Variants in HIP1R observed in about 807,000 individuals in gnomAD.
HIP1R encodes the protein huntingtin-interacting protein 1-related protein.
HIP1R carries 135 observed loss-of-function variants against 144.2 expected under a neutral mutation model. The observed-to-expected ratio is 0.94, with a 90% CI of 0.81 to 1.08. HIP1R has a LOEUF of 1.08. Among genes scored for constraint, HIP1R ranks in the 50% least tolerant of loss-of-function variants. The pLI, the probability that HIP1R is intolerant of heterozygous loss-of-function variation, is 0.00. For synonymous variants in HIP1R, 698 were observed against 612.8 expected, an observed-to-expected ratio of 1.14 and a Z score of -2.05; for missense variants, 1,462 against 1,432.8, an observed-to-expected ratio of 1.02 and a Z score of -0.33.
In HIP1R at chr12:122,860,995, T is replaced by C; in HGVS notation, c.2846T>C (p.Val949Ala). Residue 949 changes from valine to alanine, a missense_variant, in exon 29 of 32, where the codon GTG becomes GCG. Transcript: ENST00000253083. ...SRTVNERAAN[V>A]VASTKSGQEQ... ...ACAGTCAATGAGAGGGCTGCCAATG[T>C]GGTGGCCTCCACCAAGTCAGGCCAG... is the stretch of plus-strand genomic sequence containing the variant. The C allele has an allele frequency of 6.2e-7, 1 of 1,613,596 alleles. No individual in the cohort carries two copies. The highest frequency in any genetic ancestry group is 8.5e-7 in the Non-Finnish European group (1 of 1,179,976).
Position 122,857,181 on chromosome 12 carries a change from A to G in HIP1R, c.1781A>G (p.Glu594Gly), listed in dbSNP as rs758938875. ...CGGGAGCAGCAGCGCAGCTCCCAGG[A>G]GCAGGGCGAGTTGCAGGGCCGGCTG... ...LSREQQRSSQ[E>G]QGELQGRLAE... Residue 594 changes from glutamate to glycine, a missense_variant, in exon 18 of 32, where the codon GAG becomes GGG. This residue lies in a region of HIP1R where 1,112 missense variants were observed against 1,011.7 expected (regional missense o/e 1.10). Transcript: ENST00000253083. 1.3e-6 allele frequency: 2 copies of G among 1,550,426 alleles called. No homozygotes were observed. The highest frequency in any genetic ancestry group is 2.4e-5 in the South Asian group (2 of 84,054).
chr12:122,847,844 G>C (rs570618162), intron 1 of HIP1R, among the ~76,000 whole-genome samples, 187 bp from the exon 2 acceptor site: 1 of 152,310 alleles, frequency 6.6e-6, no homozygotes, highest in African/African-American at 2.4e-5. Flanking sequence ...TGTAGTTCCA[G>C]CTGCACCGAT....
At position 122,835,591 on chromosome 12, in the gene HIP1R, G is replaced by T. The variant is rs1157074667; in HGVS notation, c.41G>T (p.Arg14Leu). The T allele has an allele frequency of 2.2e-6, 3 of 1,347,952 alleles. No homozygotes were observed. The Admixed American group carries it at 8.2e-5, about 37-fold the overall frequency. The allele number at this position is 1,347,952 out of a possible 1,614,324, so 83.5% of individuals were successfully genotyped here. A position where few individuals can be genotyped will look rare whatever the true frequency, so the allele number is the denominator to read the frequency against. ...IKNVPARVLS[R>L]RPGHSLEAER... Reference sequence around the variant, plus strand: ...AACGTGCCGGCGCGGGTGCTGAGCCGCAGGCCGGGCCACAGCCTGGAGGCC... The same window carrying T: ...AACGTGCCGGCGCGGGTGCTGAGCCTCAGGCCGGGCCACAGCCTGGAGGCC... Residue 14 changes from arginine to leucine, a missense_variant, in exon 1 of 32, where the codon CGC (arginine) becomes CTC (leucine). Coordinates refer to ENST00000253083, the MANE Select transcript of HIP1R (RefSeq NM_003959.3).
At chr12:122,847,372 G>A (rs1183121586) in intron 1 of HIP1R, among the ~76,000 whole-genome samples, 1 of 152,194 alleles carries the variant, frequency 6.6e-6, no homozygotes. Context: ...TTGGTCAAGT[G>A]TGAAGGTGCC....
At chr12:122,858,992 T>C in intron 21 of HIP1R, 47 bp downstream of exon 21, 3 of 1,609,130 alleles carry the variant, frequency 1.9e-6, no homozygotes, top group Non-Finnish European at 2.5e-6. Flanking sequence ...CACTGGCTTG[T>C]CTCCCCTGGG....
chr12:122,857,572 A>C, intron 18 of HIP1R: 2 of 430,260 alleles, frequency 4.6e-6, no homozygotes, highest in Non-Finnish European at 8.7e-6. Flanking sequence ...ATCTGCCATC[A>C]CTTATCTTGG....
chr12:122,860,646 A>AGACCCTGGCCCTGACTGGCCCTT (rs2033741543), intron 27 of HIP1R, 33 bp from the exon 28 acceptor site: 2 of 1,590,096 alleles, frequency 1.3e-6, no homozygotes, highest in East Asian at 4.5e-5. Context: ...GTGGGGTCAG[A>AGACCCTGGCCCTGACTGGCCCTT]GACCCTGGCC....
chr12:122,860,937 C>T lies in HIP1R; in HGVS notation c.2788C>T (p.Pro930Ser), dbSNP rs765023893. 6.2e-6 allele frequency: 10 copies of T among 1,612,676 alleles called. No individual in the cohort carries two copies. The highest frequency in any genetic ancestry group is 8.5e-6 in the Non-Finnish European group (10 of 1,179,572). The change falls in exon 29 of 32, where the codon CCC becomes TCC. Residue 930 changes from proline to serine, a missense_variant. Physicochemically the swap from Pro to Ser is moderately conservative, Grantham distance 74 (BLOSUM62 -1). Transcript: ENST00000253083. ...TCAGGTGAAGGCCAACAAGCACAGC[C>T]CCCACCTGAGCCGCCTGCAGGAATG... ...ASKVKANKHS[P>S]HLSRLQECSR...
intron 1 of HIP1R, among the ~76,000 whole-genome samples, 170 bp downstream of exon 1, chr12:122,835,813 C>T (rs950022876): frequency 2.0e-5 from 3 of 148,398 alleles, no homozygotes; most frequent in African/African-American, 7.3e-5. Flanking sequence ...GCTCCGCTGC[C>T]GCCCCCCGCC....
intron 18 of HIP1R, 151 bp downstream of exon 18, chr12:122,857,366 C>A: frequency 1.3e-6 from 1 of 759,882 alleles, no homozygotes. Flanking sequence ...CACTCAGCAT[C>A]ACGTTGTCAA....
chr12:122,850,101 G>A, intron 5 of HIP1R, 146 bp downstream of exon 5: 1 of 713,272 alleles, frequency 1.4e-6, no homozygotes, highest in South Asian at 1.5e-5. Context: ...TATGACTAAA[G>A]GGGAGACGGG....
rs754351737 is a variant in HIP1R at position 122,860,044 on chromosome 12, C to G, written c.2466-3C>G. 4 of 1,556,036 alleles carry G rather than the reference C, an allele frequency of 2.6e-6. No individual in the cohort carries two copies. The East Asian group carries it at 9.0e-5, about 35-fold the overall frequency. Reference sequence around the variant, plus strand: ...CAGCTAAGTCTCTCCTTCTCTCCCCCAGGATCCTCAACTCCTGCACAGACC... The same window carrying G: ...CAGCTAAGTCTCTCCTTCTCTCCCCGAGGATCCTCAACTCCTGCACAGACC... On this transcript the variant is annotated splice_polypyrimidine_tract_variant and splice_region_variant and intron_variant, in intron 24 of 31. Coordinates refer to ENST00000253083, the MANE Select transcript of HIP1R (RefSeq NM_003959.3).
chr12:122,851,418 C>G, intron 7 of HIP1R, 121 bp downstream of exon 7: 2 of 775,028 alleles, frequency 2.6e-6, no homozygotes, highest in Non-Finnish European at 3.8e-6. Flanking sequence ...ATGACCCTGG[C>G]CAGCCGCAGT....
chr12:122,856,324 C>T lies in HIP1R; in HGVS notation c.1381C>T (p.His461Tyr), dbSNP rs749473077. The T allele has an allele frequency of 1.9e-6, 3 of 1,613,880 alleles. No homozygotes were observed. The Admixed American group carries it at 5.0e-5, about 27-fold the overall frequency. The change falls in exon 15 of 32, where the codon CAC becomes TAC. Residue 461 changes from histidine (H) to tyrosine (Y), a missense_variant. Around this residue, in one of 2 missense-constraint regions of HIP1R, gnomAD observed 1,112 missense variants for 1,011.7 expected, o/e 1.10. Transcript: ENST00000253083. ...AAAGCACAGTGAGCTCGTCCATGTGCACGCGGAGCTGCTCAGAAAGGTAGG... is the reference window on the plus strand; with the variant it reads ...AAAGCACAGTGAGCTCGTCCATGTGTACGCGGAGCTGCTCAGAAAGGTAGG... ...KEKHSELVHV[H>Y]AELLRKNADT...
chr12:122,847,328 T>C (rs778974911), intron 1 of HIP1R, among the ~76,000 whole-genome samples: 4 of 151,988 alleles, frequency 2.6e-5, no homozygotes, highest in Middle Eastern at 3.4e-3. Flanking sequence ...GAGACTGCCA[T>C]AGGTGGAGCG....
chr12:122,849,305 G>C (rs1345990717), intron 4 of HIP1R, among the ~76,000 whole-genome samples: 1 of 152,270 alleles, frequency 6.6e-6, no homozygotes, highest in Non-Finnish European at 1.5e-5. Context: ...AGATGTCCCT[G>C]GTGGGCAGAG....
intron 1 of HIP1R, among the ~76,000 whole-genome samples, chr12:122,843,042 C>T (rs2033101669): frequency 6.6e-6 from 1 of 152,244 alleles, no homozygotes; most frequent in South Asian, 2.1e-4. Context: ...CTGCCAGCCC[C>T]AAGGCCTTCG....
At chr12:122,853,870 G>A (rs1423625004) in intron 7 of HIP1R, 173 bp from the exon 8 acceptor site, 3 of 646,344 alleles carry the variant, frequency 4.6e-6, no homozygotes, top group Middle Eastern at 4.4e-4. Context: ...CTTCATGGGA[G>A]CATCTGGTCT....
In HIP1R at chr12:122,862,909, T is replaced by TC. The variant is rs1035942863; in HGVS notation, c.*1158dup. 2.6e-5 allele frequency: 4 copies of TC among 152,192 alleles called. No homozygotes were observed. The highest frequency in any genetic ancestry group is 9.7e-5 in the African/African-American group (4 of 41,438). 9.4% of individuals were successfully genotyped at this position (152,192 alleles called of 1,614,324 possible). ...AGCGCCTTGGCTTTGTGTTAGCATT[T>TC]CCTCCTGAAGTGTTCTGTTGGCAAT... On this transcript the variant is annotated 3_prime_UTR_variant, in exon 32 of 32. Transcript: ENST00000253083.
Sources: allele counts gnomAD v4.1 joint callset (sites outside exome capture counted in the v4.1 genomes callset), GRCh38; gene constraint gnomAD v4.1.1; regional missense constraint gnomAD v4.1.1; transcripts MANE v1.5; gene names NCBI Gene and HGNC (gene_info 2026-07-23, HGNC 2026-07-21).